UNC79: variants seen among roughly 807,000 people sequenced by gnomAD.
UNC79 encodes protein unc-79 homolog.
In UNC79, 37 loss-of-function variants were observed where a neutral mutation model predicts 283.1. That is an observed-to-expected ratio of 0.13 (90% CI 0.10 to 0.17). The LOEUF (loss-of-function observed/expected upper bound fraction) is 0.17. Among genes scored for constraint, UNC79 ranks in the 10% least tolerant of loss-of-function variants. The pLI, the probability that UNC79 is intolerant of heterozygous loss-of-function variation, is 1.00. For missense variants in UNC79, 2,272 were observed against 3,211.1 expected (o/e 0.71, Z 7.07); for synonymous variants, 1,107 against 1,200.2 (o/e 0.92, Z 1.61).
At chr14:93,460,810 A>G (rs1177714193) in intron 1 of UNC79, among the ~76,000 whole-genome samples, 2 of 152,192 alleles carry the variant, frequency 1.3e-5, no homozygotes, top group East Asian at 1.9e-4. Flanking sequence ...AGATCCCTTC[A>G]GCCCAGGTGT....
At chr14:93,487,270 A>C (rs2058491894) in intron 4 of UNC79, among the ~76,000 whole-genome samples, 1 of 152,046 alleles carries the variant, frequency 6.6e-6, no homozygotes, top group Admixed American at 6.6e-5. Flanking sequence ...GAGTTTAAAA[A>C]CCTTTCCTTT....
At chr14:93,664,024 C>G (rs942655651) in intron 40 of UNC79, among the ~76,000 whole-genome samples, 1 of 152,118 alleles carries the variant, frequency 6.6e-6, no homozygotes, top group African/African-American at 2.4e-5. Flanking sequence ...TCCTCATAAT[C>G]CCTCATAACT....
intron 26 of UNC79, among the ~76,000 whole-genome samples, chr14:93,609,592 G>A (rs2066149369): frequency 6.6e-6 from 1 of 152,066 alleles, no homozygotes; most frequent in Non-Finnish European, 1.5e-5. Context: ...TCTATGGTTA[G>A]GACAGATATA....
At chr14:93,471,610 A>T (rs1291853471) in intron 2 of UNC79, among the ~76,000 whole-genome samples, 1 of 152,072 alleles carries the variant, frequency 6.6e-6, no homozygotes, top group Non-Finnish European at 1.5e-5. Flanking sequence ...TTCACAAAAC[A>T]TCATAAAATC....
intron 24 of UNC79, among the ~76,000 whole-genome samples, chr14:93,599,353 AGTGTGTGTGTGTGT>A (rs56758207): frequency 2.0e-5 from 3 of 147,992 alleles, no homozygotes; most frequent in Admixed American, 6.8e-5. Flanking sequence ...CACATACTTA[AGTGTGTGTGTGTGT>A]GTGTGTGTGT....
At chr14:93,354,357 T>C (rs1353089747) in intron 1 of UNC79, among the ~76,000 whole-genome samples, 1 of 152,176 alleles carries the variant, frequency 6.6e-6, no homozygotes, top group Non-Finnish European at 1.5e-5. Context: ...AACTTAGGAG[T>C]GCTGACATGA....
intron 14 of UNC79, among the ~76,000 whole-genome samples, chr14:93,548,008 TCAAAAA>T (rs1178102055): frequency 2.0e-5 from 3 of 151,530 alleles, no homozygotes; most frequent in South Asian, 2.1e-4. Context: ...CAACAAAAAA[TCAAAAA>T]CAAAAACAAA....
intron 14 of UNC79, among the ~76,000 whole-genome samples, chr14:93,558,467 A>G (rs2062317215): frequency 2.0e-5 from 3 of 151,490 alleles, no homozygotes; most frequent in Non-Finnish European, 4.4e-5. Context: ...GAGGCAGGAG[A>G]ATGGCGTGAA....
At chr14:93,580,444 G>T in intron 19 of UNC79, 68 bp downstream of exon 19, 1 of 1,448,012 alleles carries the variant, frequency 6.9e-7, no homozygotes, top group Non-Finnish European at 9.4e-7. Flanking sequence ...CTGATGTAAT[G>T]GAGTCTTCCT....
chr14:93,414,764 C>T (rs1394861024), intron 1 of UNC79, among the ~76,000 whole-genome samples: 1 of 152,072 alleles, frequency 6.6e-6, no homozygotes, highest in African/African-American at 2.4e-5. Flanking sequence ...AGTTGGATCC[C>T]TAGGTATTTT....
rs1157531528 is a variant in UNC79, at chr14:93,474,496, C to A, written c.448+103C>A. 2.3e-6 allele frequency: 3 copies of A among 1,316,290 alleles called. No individual in the cohort carries two copies. Among genetic ancestry groups the A allele is most frequent in the Non-Finnish European group, 3.1e-6 (3 of 982,134 alleles). The allele number at this position is 1,316,290 out of a possible 1,614,324, so 81.5% of individuals were successfully genotyped here. The stretch of plus-strand genomic sequence containing the variant: ...GATGGTCACTGTTGTAATCAATCAC[C>A]TGAAAGGGCTTTGTGTGGCTAGAAG... On this transcript the variant is annotated intron_variant, in intron 3 of 48. Transcript: ENST00000555664. The surrounding 1 kb of genome is among the most constrained non-coding windows in gnomAD (Gnocchi z 4.1).
At chr14:93,600,840 C>G in intron 25 of UNC79, 70 bp downstream of exon 25, 1 of 1,537,900 alleles carries the variant, frequency 6.5e-7, no homozygotes, top group Non-Finnish European at 8.9e-7. Context: ...AAACAGAAGA[C>G]ATTGGCATGT....
chr14:93,698,420 A>G (rs1278806819), intron 47 of UNC79, among the ~76,000 whole-genome samples: 1 of 149,740 alleles, frequency 6.7e-6, no homozygotes, highest in Non-Finnish European at 1.5e-5. Flanking sequence ...TTCCTAATGA[A>G]TTGAAATTAT....
At chr14:93,706,432 C>T (rs568388248) in intron 48 of UNC79, among the ~76,000 whole-genome samples, 1 of 152,296 alleles carries the variant, frequency 6.6e-6, no homozygotes, top group East Asian at 1.9e-4. Context: ...ATGTGTTAGC[C>T]CAGCACTGGT....
At chr14:93,563,570 G>A (rs543653984) in intron 14 of UNC79, among the ~76,000 whole-genome samples, 9 of 152,254 alleles carry the variant, frequency 5.9e-5, no homozygotes, top group East Asian at 1.9e-4. Context: ...GTGCAGCGGG[G>A]GCAGAGCAGT....
At chr14:93,518,291 T>G (rs2060165170) in intron 7 of UNC79, among the ~76,000 whole-genome samples, 1 of 151,954 alleles carries the variant, frequency 6.6e-6, no homozygotes, top group South Asian at 2.1e-4. Flanking sequence ...TTATGGGTTT[T>G]TTTTACTTTT....
chr14:93,585,191 C>CT lies in UNC79; in HGVS notation c.2804-1402dup, dbSNP rs1437137510. 2.0e-5 allele frequency among the ~76,000 whole-genome samples: 3 copies of CT among 152,290 alleles called. No homozygotes were observed. In the East Asian group the frequency reaches 5.8e-4, roughly 29 times the overall value. ...GTCTCTGCAGGAGAGTCCCTCTTCT[C>CT]TTTCTTCCAAGACCAGGGTTCCCTG... On this transcript the variant is annotated intron_variant, in intron 20 of 48. Transcript: ENST00000555664.
chr14:93,487,634 G>T (rs780504585), intron 4 of UNC79, 29 bp from the exon 5 acceptor site: 1 of 1,588,740 alleles, frequency 6.3e-7, no homozygotes, highest in South Asian at 1.1e-5. Context: ...AGATTAAATT[G>T]TGTCTAATCA....
chr14:93,565,713 G>A (rs781000365), intron 14 of UNC79, among the ~76,000 whole-genome samples: 4 of 152,136 alleles, frequency 2.6e-5, no homozygotes, highest in South Asian at 2.1e-4. Flanking sequence ...ACAGACAGAC[G>A]ACAGGGAAGT....
Sources: allele counts gnomAD v4.1 joint callset (sites outside exome capture counted in the v4.1 genomes callset), GRCh38; gene constraint gnomAD v4.1.1; non-coding constraint Gnocchi (gnomAD v3.1); transcripts MANE v1.5; gene names NCBI Gene and HGNC (gene_info 2026-07-23, HGNC 2026-07-21).